Variants in BTAF1 observed in about 807,000 individuals in gnomAD.
BTAF1 encodes B-TFIID TATA-box binding protein associated factor 1.
A neutral mutation model predicts 227.1 loss-of-function variants in BTAF1; 38 were observed. That is an observed-to-expected ratio of 0.17 (90% CI 0.13 to 0.22). The LOEUF is 0.22. Ranked by LOEUF, BTAF1 falls within the 10% of genes least tolerant of loss-of-function variation. The probability of loss-of-function intolerance (pLI) is 1.00; values close to 1 mark genes in which losing one functional copy is unlikely to be tolerated. For synonymous variants in BTAF1, 742 were observed against 751.9 expected, an observed-to-expected ratio of 0.99 and a Z score of 0.21; for missense variants, 1,598 against 2,204.0, an observed-to-expected ratio of 0.73 and a Z score of 5.51.
At chr10:91,962,722 T>A in intron 12 of BTAF1, 44 bp downstream of exon 12, 1 of 1,501,750 alleles carries the variant, frequency 6.7e-7, no homozygotes, top group Non-Finnish European at 9.0e-7. Flanking sequence ...GAGCTTGTTT[T>A]CATTTGGGAT....
intron 4 of BTAF1, 51 bp from the exon 5 acceptor site, chr10:91,951,352 A>G: frequency 6.4e-7 from 1 of 1,568,202 alleles, no homozygotes; most frequent in Non-Finnish European, 8.6e-7. Context: ...TGCACGTATT[A>G]GAAAACTTCT....
At chr10:91,979,954 G>T (rs1847956361) in intron 14 of BTAF1, among the ~76,000 whole-genome samples, 1 of 152,110 alleles carries the variant, frequency 6.6e-6, no homozygotes, top group Non-Finnish European at 1.5e-5. Flanking sequence ...AATAGATTAA[G>T]AACTTTTACC....
rs1436222371 is a variant in BTAF1 at position 91,954,105 on chromosome 10, G to A, written c.701+232G>A. On this transcript the variant is annotated intron_variant, in intron 6 of 37. Coordinates refer to ENST00000265990, the MANE Select transcript of BTAF1 (RefSeq NM_003972.3). ...TACTAATTATCAGTTTTGAATGAGGGCTGAGGATCTCCAAAGGGGAGAGCA... is the reference window on the plus strand; with the variant it reads ...TACTAATTATCAGTTTTGAATGAGGACTGAGGATCTCCAAAGGGGAGAGCA... Among the ~76,000 whole-genome samples the A allele has an allele frequency of 2.0e-5, 3 of 152,230 alleles. No homozygotes were observed. In the East Asian group the frequency reaches 5.8e-4, roughly 29 times the overall value.
intron 25 of BTAF1, among the ~76,000 whole-genome samples, chr10:92,000,459 G>C (rs1849441902): frequency 6.6e-6 from 1 of 152,208 alleles, no homozygotes; most frequent in African/African-American, 2.4e-5. Flanking sequence ...GATTAGAATT[G>C]AAAGTGCGCC....
chr10:92,008,741 T>C (rs1486570694), intron 26 of BTAF1, 88 bp from the exon 27 acceptor site: 3 of 1,258,234 alleles, frequency 2.4e-6, no homozygotes, highest in Non-Finnish European at 2.1e-6. Context: ...TATTTTTGTT[T>C]TGTGCAAACG....
At chr10:91,958,443 T>G (rs1846252925) in intron 8 of BTAF1, among the ~76,000 whole-genome samples, 1 of 152,132 alleles carries the variant, frequency 6.6e-6, no homozygotes, top group Non-Finnish European at 1.5e-5. Flanking sequence ...GGCTCATGCC[T>G]GTAATCCTAG....
Position 91,923,810 on chromosome 10 carries a change from T to C in BTAF1, c.-267T>C, listed in dbSNP as rs1843640675. 4 of 419,890 alleles carry C rather than the reference T, an allele frequency of 9.5e-6. No homozygotes were observed. The highest frequency in any genetic ancestry group is 8.9e-5 in the Admixed American group (2 of 22,388). The allele number at this position is 419,890 out of a possible 1,614,324, so 26.0% of individuals were successfully genotyped here. ...CGCCCGCGTCAGCAAAGAGCGGAGC[T>C]GAGGGTACCCGGTTTGAAGTCGTGC... On this transcript the variant is annotated 5_prime_UTR_variant, in exon 1 of 38. Coordinates refer to ENST00000265990, the MANE Select transcript of BTAF1 (RefSeq NM_003972.3).
intron 32 of BTAF1, among the ~76,000 whole-genome samples, chr10:92,015,702 G>C (rs1163612347): frequency 6.6e-6 from 1 of 152,124 alleles, no homozygotes; most frequent in African/African-American, 2.4e-5. Context: ...TAGAGAAAGC[G>C]AGCTCCAAAG....
chr10:91,949,544 A>G (rs1589784033), intron 4 of BTAF1, among the ~76,000 whole-genome samples: 1 of 152,256 alleles, frequency 6.6e-6, no homozygotes, highest in South Asian at 2.1e-4. Flanking sequence ...TTTAGCAGAC[A>G]TTTACTTTGG....
intron 25 of BTAF1, among the ~76,000 whole-genome samples, chr10:92,004,052 T>C (rs1849722180): frequency 6.6e-6 from 1 of 152,176 alleles, no homozygotes; most frequent in Admixed American, 6.5e-5. Flanking sequence ...AAGAAATACC[T>C]ATTCAGGTCC....
At chr10:91,983,594 A>T (rs1445170534) in intron 18 of BTAF1, among the ~76,000 whole-genome samples, 1 of 152,178 alleles carries the variant, frequency 6.6e-6, no homozygotes, top group Non-Finnish European at 1.5e-5. Flanking sequence ...AAGTGTTGAC[A>T]GTTAGGTTTC....
chr10:91,929,264 T>C (rs1264891294), intron 1 of BTAF1, among the ~76,000 whole-genome samples: 3 of 152,222 alleles, frequency 2.0e-5, no homozygotes, highest in Non-Finnish European at 4.4e-5. Context: ...AGGAACATAG[T>C]TTTTCCTTAA....
In BTAF1 at chr10:91,982,708, T is replaced by C. The variant is rs1297772323; in HGVS notation, c.2170T>C (p.Leu724=). ...LLFHLNSKSA[L]QRISVALVIC... ...CTTCCATTTGAACTCCAAGTCTGCT[T>C]TACAGAGGATTAGTGTAGCTTTGGT... The change falls in exon 18 of 38, where the codon TTA becomes CTA. Residue 724 remains leucine (L), a synonymous_variant. Transcript: ENST00000265990. 5 of 1,613,828 alleles carry C rather than the reference T, an allele frequency of 3.1e-6. No individual in the cohort carries two copies. Among genetic ancestry groups the C allele is most frequent in the Non-Finnish European group, 4.2e-6 (5 of 1,179,910 alleles).
chr10:91,941,160 G>T (rs1028414664), intron 3 of BTAF1, among the ~76,000 whole-genome samples: 1 of 152,108 alleles, frequency 6.6e-6, no homozygotes, highest in East Asian at 1.9e-4. Flanking sequence ...GTTATAACTT[G>T]TTTTAGAAAA....
chr10:92,003,620 A>G (rs1363284807), intron 25 of BTAF1, among the ~76,000 whole-genome samples: 1 of 152,216 alleles, frequency 6.6e-6, no homozygotes, highest in Non-Finnish European at 1.5e-5. Flanking sequence ...ATATATAGAT[A>G]CACTACAGTT....
chr10:91,939,493 C>T (rs768121211), intron 2 of BTAF1, among the ~76,000 whole-genome samples: 2 of 152,180 alleles, frequency 1.3e-5, no homozygotes, highest in African/African-American at 2.4e-5. Context: ...GATTGGAGTG[C>T]AGTGGCGCCA....
intron 18 of BTAF1, 100 bp downstream of exon 18, chr10:91,982,861 A>T (rs1848163080): frequency 8.1e-7 from 1 of 1,239,062 alleles, no homozygotes; most frequent in Non-Finnish European, 1.1e-6. Context: ...TTTTCGATGT[A>T]TAAAAATCCA....
chr10:91,990,952 T>A (rs191959018), intron 20 of BTAF1, among the ~76,000 whole-genome samples: 2 of 149,398 alleles, frequency 1.3e-5, no homozygotes, highest in East Asian at 2.1e-4. Flanking sequence ...ACTAAAAAAA[T>A]ATATAAAAAT....
chr10:91,959,419 G>A (rs1846328218), intron 9 of BTAF1: 1 of 506,670 alleles, frequency 2.0e-6, no homozygotes, highest in Non-Finnish European at 3.0e-6. Flanking sequence ...CGGTGTGCTT[G>A]ATATGAGAAC....
Sources: gnomAD v4.1 joint callset for allele counts (sites outside exome capture counted in the v4.1 genomes callset) on GRCh38, gnomAD v4.1.1 for gene constraint, MANE v1.5 for transcripts, NCBI Gene and HGNC (gene_info 2026-07-23, HGNC 2026-07-21) for gene names.